Variants in CNTNAP2 observed in about 807,000 individuals in gnomAD.
The protein encoded by CNTNAP2 is contactin-associated protein-like 2.
A neutral mutation model predicts 155.2 loss-of-function variants in CNTNAP2; 98 were observed. The ratio of observed to expected loss-of-function variants is 0.63; its 90% confidence interval spans 0.54 to 0.75. The LOEUF (loss-of-function observed/expected upper bound fraction) is 0.75. Among genes scored for constraint, CNTNAP2 ranks in the 30% least tolerant of loss-of-function variants. CNTNAP2 has a pLI of 0.00. For missense variants in CNTNAP2, 1,727 were observed against 1,688.1 expected (o/e 1.02, Z -0.40); for synonymous variants, 651 against 631.2 (o/e 1.03, Z -0.47).
At chr7:147,159,475 T>C (rs1378086692) in intron 8 of CNTNAP2, among the ~76,000 whole-genome samples, 2 of 152,120 alleles carry the variant, frequency 1.3e-5, no homozygotes, top group Admixed American at 6.6e-5. Context: ...TCAGATATTG[T>C]TTGATTTGGA....
intron 8 of CNTNAP2, among the ~76,000 whole-genome samples, chr7:147,212,449 A>C (rs1291904113): frequency 6.6e-6 from 1 of 152,148 alleles, no homozygotes; most frequent in Non-Finnish European, 1.5e-5. Flanking sequence ...ACATGGATGC[A>C]GCTGAAGGCC....
At chr7:147,627,808 A>C (rs531167656) in intron 12 of CNTNAP2, among the ~76,000 whole-genome samples, 1 of 151,938 alleles carries the variant, frequency 6.6e-6, no homozygotes, top group South Asian at 2.1e-4. Flanking sequence ...GAAATGAAAG[A>C]CACACTTACG....
intron 21 of CNTNAP2, among the ~76,000 whole-genome samples, chr7:148,279,474 G>C (rs188400614): frequency 1.3e-5 from 2 of 152,212 alleles, no homozygotes; most frequent in African/African-American, 4.8e-5. Context: ...TGGTGGGGCT[G>C]CCTACTACAA....
intron 1 of CNTNAP2, among the ~76,000 whole-genome samples, chr7:146,639,698 A>T (rs1388883537): frequency 6.6e-6 from 1 of 152,228 alleles, no homozygotes; most frequent in Non-Finnish European, 1.5e-5. Flanking sequence ...AATTGCTGAG[A>T]ATTGTCCATG....
chr7:148,270,501 T>C (rs10464461), intron 21 of CNTNAP2, among the ~76,000 whole-genome samples: 86,613 of 151,986 alleles, frequency 0.57, 26,063 homozygotes, highest in South Asian at 0.77. Flanking sequence ...CCTACAAGCC[T>C]GTGACCTCCC....
At chr7:147,284,568 T>C (rs1471254891) in intron 8 of CNTNAP2, among the ~76,000 whole-genome samples, 1 of 151,962 alleles carries the variant, frequency 6.6e-6, no homozygotes, top group African/African-American at 2.4e-5. Flanking sequence ...ATATTACATT[T>C]TAAAATATTT....
chr7:147,829,321 A>G (rs982849789), intron 13 of CNTNAP2, among the ~76,000 whole-genome samples: 5 of 152,222 alleles, frequency 3.3e-5, no homozygotes, highest in Non-Finnish European at 5.9e-5. Context: ...TTGGTGAAAG[A>G]AAATGAACTC....
intron 1 of CNTNAP2, among the ~76,000 whole-genome samples, chr7:146,551,628 A>C (rs1028601098): frequency 6.6e-6 from 1 of 152,112 alleles, no homozygotes; most frequent in Non-Finnish European, 1.5e-5. Flanking sequence ...TAAGAGGCCA[A>C]AAGACACTAA....
intron 1 of CNTNAP2, among the ~76,000 whole-genome samples, chr7:146,154,147 G>GCTCT (rs1798091482): frequency 6.6e-6 from 1 of 152,024 alleles, no homozygotes. Flanking sequence ...AGATAGCTTT[G>GCTCT]CTCTGAGTTT....
At chr7:146,242,616 A>G (rs192801182) in intron 1 of CNTNAP2, among the ~76,000 whole-genome samples, 73 of 152,238 alleles carry the variant, frequency 4.8e-4, no homozygotes, top group Admixed American at 1.2e-3. Flanking sequence ...TAAATTAAGA[A>G]TCTAGAGACA....
intron 1 of CNTNAP2, among the ~76,000 whole-genome samples, chr7:146,683,852 A>G (rs1800547795): frequency 6.6e-6 from 1 of 152,244 alleles, no homozygotes; most frequent in South Asian, 2.1e-4. Context: ...TGATATATGT[A>G]CAAATATTGC....
intron 1 of CNTNAP2, among the ~76,000 whole-genome samples, chr7:146,524,140 T>A (rs1797654804): frequency 6.6e-6 from 1 of 152,124 alleles, no homozygotes. Context: ...AAATGCCTAG[T>A]TGAAACATAG....
intron 1 of CNTNAP2, among the ~76,000 whole-genome samples, chr7:146,603,682 G>C (rs1164983726): frequency 2.0e-5 from 3 of 150,900 alleles, no homozygotes; most frequent in African/African-American, 7.3e-5. Flanking sequence ...ATACTACAAG[G>C]CTACAGTAAC....
chr7:148,133,034 T>C (rs1019083425), intron 16 of CNTNAP2, among the ~76,000 whole-genome samples: 1 of 152,224 alleles, frequency 6.6e-6, no homozygotes, highest in African/African-American at 2.4e-5. Context: ...TCCATTTTTT[T>C]AATCATACGA....
chr7:147,005,763 T>C (rs1798513177), intron 3 of CNTNAP2, among the ~76,000 whole-genome samples: 1 of 152,088 alleles, frequency 6.6e-6, no homozygotes, highest in Non-Finnish European at 1.5e-5. Flanking sequence ...CCCTTGCAAA[T>C]GGAACATTCC....
intron 11 of CNTNAP2, among the ~76,000 whole-genome samples, chr7:147,530,795 C>T (rs990549132): frequency 6.6e-6 from 1 of 152,136 alleles, no homozygotes; most frequent in African/African-American, 2.4e-5. Flanking sequence ...AAAGTCTTAA[C>T]TCATTTCGAC....
chr7:147,178,050 G>A (rs186170205), intron 8 of CNTNAP2, among the ~76,000 whole-genome samples: 4 of 151,770 alleles, frequency 2.6e-5, no homozygotes, highest in Non-Finnish European at 5.9e-5. Context: ...TGCCCCATCC[G>A]CCCCCCCACC....
chr7:147,099,252 C>A (rs1253925687), intron 4 of CNTNAP2, among the ~76,000 whole-genome samples: 1 of 152,058 alleles, frequency 6.6e-6, no homozygotes, highest in Non-Finnish European at 1.5e-5. Context: ...ATAAAGGAAG[C>A]AGTTGGGGTG....
chr7:147,927,539 A>T (rs992164623), intron 14 of CNTNAP2, among the ~76,000 whole-genome samples: 3 of 152,218 alleles, frequency 2.0e-5, no homozygotes, highest in Admixed American at 6.5e-5. Flanking sequence ...AAATTTTTTT[A>T]AAAAGAATTG....
Sources: gnomAD v4.1 joint callset for allele counts (sites outside exome capture counted in the v4.1 genomes callset) on GRCh38, gnomAD v4.1.1 for gene constraint, MANE v1.5 for transcripts, NCBI Gene and HGNC (gene_info 2026-07-23, HGNC 2026-07-21) for gene names.